The following PCDHGA6 variants were observed in gnomAD, a reference collection of about 807,000 sequenced individuals.
PCDHGA6 encodes the protein protocadherin gamma subfamily A, 6.
PCDHGA6 carries 41 observed loss-of-function variants against 60.6 expected under a neutral mutation model. That is an observed-to-expected ratio of 0.68 (90% CI 0.53 to 0.88). PCDHGA6 has a LOEUF of 0.88. PCDHGA6 is among the 40% of genes least tolerant of loss of function. The probability of loss-of-function intolerance (pLI) is 0.00; values close to 1 mark genes in which losing one functional copy is unlikely to be tolerated. For missense variants in PCDHGA6, 1,312 were observed against 1,203.0 expected, an observed-to-expected ratio of 1.09 and a Z score of -1.34; for synonymous variants, 594 against 524.4, an observed-to-expected ratio of 1.13 and a Z score of -1.81.
At chr5:141,387,629 G>T (rs1361387129) in intron 1 of PCDHGA6, 7 of 579,598 alleles carry the variant, frequency 1.2e-5, no homozygotes, top group African/African-American at 3.7e-5. Context: ...CTGACTCTGG[G>T]CGCCGCTGTT....
In PCDHGA6 at chr5:141,374,126, C is replaced by T; in HGVS notation, c.43C>T (p.Leu15=). The part of the protein sequence containing the change: ...QRHPQRSEQV[L]LLTLLGTLWG... ...GCATCCGCAGCGCAGCGAGCAGGTC[C>T]TGCTCCTCACGCTCCTGGGGACGCT... is the stretch of plus-strand genomic sequence containing the variant. The change falls in exon 1 of 4, where the codon CTG becomes TTG. Residue 15 remains leucine (L), a synonymous_variant. Coordinates refer to ENST00000517434, the MANE Select transcript of PCDHGA6 (RefSeq NM_018919.3). The T allele has an allele frequency of 6.2e-7, 1 of 1,602,982 alleles. No homozygotes were observed. The highest frequency in any genetic ancestry group is 1.7e-4 in the Middle Eastern group (1 of 5,934).
chr5:141,446,482 CT>C (rs112180482), intron 1 of PCDHGA6, among the ~76,000 whole-genome samples: 30,290 of 146,632 alleles, frequency 0.21, 3,322 homozygotes, highest in African/African-American at 0.31. Flanking sequence ...GGTCATCATT[CT>C]TTTTTTTTTT....
At chr5:141,421,388 G>T in intron 1 of PCDHGA6, 17 of 1,614,052 alleles carry the variant, frequency 1.1e-5, no homozygotes, top group Non-Finnish European at 1.4e-5. Flanking sequence ...AAGGACCTGG[G>T]GCTGGAGCCC....
At chr5:141,498,429 G>T (rs1595525351) in intron 2 of PCDHGA6, among the ~76,000 whole-genome samples, 1 of 152,290 alleles carries the variant, frequency 6.6e-6, no homozygotes, top group East Asian at 1.9e-4. Flanking sequence ...GGAGTGAGGG[G>T]ATGAAGAGGA....
intron 1 of PCDHGA6, among the ~76,000 whole-genome samples, chr5:141,456,303 G>A (rs941370138): frequency 6.6e-6 from 1 of 152,156 alleles, no homozygotes; most frequent in Non-Finnish European, 1.5e-5. Flanking sequence ...ATGGAGAACA[G>A]CAGCTAGGGC....
intron 1 of PCDHGA6, chr5:141,426,835 C>G (rs1038394702): frequency 6.6e-6 from 3 of 456,576 alleles, no homozygotes; most frequent in Non-Finnish European, 1.3e-5. Flanking sequence ...ATGGACAAGA[C>G]TAAAGGCAAG....
Position 141,422,144 on chromosome 5 carries a change from G to A in PCDHGA6, c.2424+45637G>A, listed in dbSNP as rs748208921. On this transcript the variant is annotated intron_variant, in intron 1 of 3. Transcript: ENST00000517434. Reference sequence around the variant, plus strand: ...CAAACTGGAGAAGTTCAAGTACGGGGGTCTCTGGATTTTGAAAAATATAGA... The same window carrying A: ...CAAACTGGAGAAGTTCAAGTACGGGAGTCTCTGGATTTTGAAAAATATAGA... 1.9e-6 allele frequency: 3 copies of A among 1,583,402 alleles called. No individual in the cohort carries two copies. In the African/African-American group the frequency reaches 4.1e-5, roughly 22 times the overall value.
intron 1 of PCDHGA6, chr5:141,478,354 C>T (rs141625672): frequency 1.2e-6 from 2 of 1,613,778 alleles, no homozygotes; most frequent in Non-Finnish European, 8.5e-7. Context: ...ACGCGGACGC[C>T]GTGCGGGGAG....
At chr5:141,453,521 T>A (rs1311886024) in intron 1 of PCDHGA6, among the ~76,000 whole-genome samples, 2 of 152,148 alleles carry the variant, frequency 1.3e-5, no homozygotes, top group Non-Finnish European at 2.9e-5. Flanking sequence ...TCCTCCCCTA[T>A]ACCTTCTGCC....
At chr5:141,378,267 G>C (rs747573302) in intron 1 of PCDHGA6, 4 of 152,292 alleles carry the variant, frequency 2.6e-5, no homozygotes, top group Non-Finnish European at 5.9e-5. Context: ...GCTCATGCCT[G>C]TAATCCCAAC....
chr5:141,389,675 A>C, intron 1 of PCDHGA6: 1 of 1,612,412 alleles, frequency 6.2e-7, no homozygotes, highest in Non-Finnish European at 8.5e-7. Flanking sequence ...CAGACTCAGG[A>C]CACAACGCCT....
intron 1 of PCDHGA6, chr5:141,405,129 G>A (rs755961534): frequency 9.9e-6 from 16 of 1,613,846 alleles, no homozygotes; most frequent in Middle Eastern, 3.3e-4. Context: ...CATCTGCTGC[G>A]GGCTACCAGT....
rs1259098111 is a variant in PCDHGA6 at position 141,489,418 on chromosome 5, T to C, written c.2425-5389T>C. On this transcript the variant is annotated intron_variant, in intron 1 of 3. Coordinates refer to ENST00000517434, the MANE Select transcript of PCDHGA6 (RefSeq NM_018919.3). This position sits in a 1 kb window ranked among gnomAD's most constrained non-coding sequence, Gnocchi z 4.5. ...TCTGGGCTTAAAGATGACAGATCTGTTGAGCCGGCGGCTGCAATTGGGCTC... is the reference window on the plus strand; with the variant it reads ...TCTGGGCTTAAAGATGACAGATCTGCTGAGCCGGCGGCTGCAATTGGGCTC... The C allele has an allele frequency of 1.2e-6, 2 of 1,614,174 alleles. No individual in the cohort carries two copies. The highest frequency in any genetic ancestry group is 8.5e-7 in the Non-Finnish European group (1 of 1,180,032).
In PCDHGA6 at chr5:141,490,670, C is replaced by A. The variant is rs1003577285; in HGVS notation, c.2425-4137C>A. ...CCGGGCTCCCTTCTTTGCACTGTGG[C>A]TGCCTCAGATCCAGACACTGGGGAT... On this transcript the variant is annotated intron_variant, in intron 1 of 3. Coordinates refer to ENST00000517434, the MANE Select transcript of PCDHGA6 (RefSeq NM_018919.3). This position sits in a 1 kb window ranked among gnomAD's most constrained non-coding sequence, Gnocchi z 5.4. 4 of 1,614,194 alleles carry A rather than the reference C, an allele frequency of 2.5e-6. No homozygotes were observed. The highest frequency in any genetic ancestry group is 3.4e-6 in the Non-Finnish European group (4 of 1,179,986).
chr5:141,384,154 A>G, intron 1 of PCDHGA6: 3 of 1,613,512 alleles, frequency 1.9e-6, no homozygotes, highest in Non-Finnish European at 2.5e-6. Flanking sequence ...CTCTTTGTAT[A>G]ACATCACACT....
chr5:141,396,042 A>G (rs2093337325), intron 1 of PCDHGA6: 2 of 152,260 alleles, frequency 1.3e-5, no homozygotes, highest in Non-Finnish European at 2.9e-5. Context: ...ACATATTTCA[A>G]TACAATTCCA....
chr5:141,438,659 T>C (rs1290256383), intron 1 of PCDHGA6, among the ~76,000 whole-genome samples: 1 of 141,194 alleles, frequency 7.1e-6, no homozygotes, highest in East Asian at 2.1e-4. Flanking sequence ...CACATATATG[T>C]ATATATATAT....
intron 1 of PCDHGA6, chr5:141,379,485 T>TA (rs755973263): frequency 2.0e-5 from 3 of 152,260 alleles, no homozygotes; most frequent in Non-Finnish European, 4.4e-5. Flanking sequence ...TATTTTACTA[T>TA]ACTACCAATT....
intron 1 of PCDHGA6, among the ~76,000 whole-genome samples, chr5:141,425,417 G>A (rs1238708306): frequency 2.0e-5 from 3 of 152,162 alleles, no homozygotes; most frequent in East Asian, 3.9e-4. Context: ...ATAACATATA[G>A]TCCCATTAAA....
Sources: gnomAD v4.1 joint callset for allele counts (sites outside exome capture counted in the v4.1 genomes callset) on GRCh38, gnomAD v4.1.1 for gene constraint, Gnocchi (gnomAD v3.1) non-coding constraint, MANE v1.5 for transcripts, NCBI Gene and HGNC (gene_info 2026-07-23, HGNC 2026-07-21) for gene names.